NEURL1: variants seen among roughly 807,000 people sequenced by gnomAD.
NEURL1 encodes the protein E3 ubiquitin-protein ligase NEURL1.
A neutral mutation model predicts 41.2 loss-of-function variants in NEURL1; 26 were observed. The observed-to-expected ratio is 0.63, with a 90% CI of 0.46 to 0.87. The LOEUF (loss-of-function observed/expected upper bound fraction) is 0.87. Among genes scored for constraint, NEURL1 ranks in the 40% least tolerant of loss-of-function variants. The pLI, the probability that NEURL1 is intolerant of heterozygous loss-of-function variation, is 0.00. For synonymous variants in NEURL1, 400 were observed against 402.3 expected (o/e 0.99, Z 0.07); for missense variants, 761 against 871.1 (o/e 0.87, Z 1.59).
intron 1 of NEURL1, among the ~76,000 whole-genome samples, chr10:103,560,204 C>G (rs1457968945): frequency 7.1e-6 from 1 of 140,118 alleles, no homozygotes; most frequent in African/African-American, 3.0e-5. Context: ...ATATGGGGAG[C>G]TAGGGGTGCT....
At chr10:103,561,736 G>T (rs528366216) in intron 1 of NEURL1, among the ~76,000 whole-genome samples, 82 of 152,342 alleles carry the variant, frequency 5.4e-4, no homozygotes, top group African/African-American at 1.8e-3. Flanking sequence ...GTGTGATCAG[G>T]TTGTGTATGA....
intron 1 of NEURL1, among the ~76,000 whole-genome samples, chr10:103,560,931 A>G (rs1347813213): frequency 6.6e-6 from 1 of 152,254 alleles, no homozygotes; most frequent in Non-Finnish European, 1.5e-5. Flanking sequence ...GCAGCTTAAA[A>G]CAACAAACAT....
At chr10:103,585,362 T>A (rs1403746641) in intron 4 of NEURL1, 137 bp downstream of exon 4, 5 of 808,732 alleles carry the variant, frequency 6.2e-6, no homozygotes, top group Non-Finnish European at 9.2e-6. Context: ...CTAAGGTGAG[T>A]TCTGGGCGGG....
chr10:103,517,382 C>T (rs1205733842), intron 1 of NEURL1: 1 of 152,182 alleles, frequency 6.6e-6, no homozygotes, highest in Non-Finnish European at 1.5e-5. Flanking sequence ...CAAGAAATAC[C>T]TACTGTTTAA....
At chr10:103,522,433 C>T (rs952044602) in intron 1 of NEURL1, among the ~76,000 whole-genome samples, 7 of 148,648 alleles carry the variant, frequency 4.7e-5, no homozygotes, top group African/African-American at 1.0e-4. Flanking sequence ...CGTGAAGAAA[C>T]CCCATCTCTA....
intron 1 of NEURL1, chr10:103,515,296 A>G (rs1399172533): frequency 6.6e-6 from 1 of 150,834 alleles, no homozygotes; most frequent in Non-Finnish European, 1.5e-5. Flanking sequence ...TTCCAGAGGA[A>G]GTTCCCCACT....
chr10:103,587,545 T>G (rs1401653440), intron 4 of NEURL1, among the ~76,000 whole-genome samples: 1 of 152,252 alleles, frequency 6.6e-6, no homozygotes, highest in African/African-American at 2.4e-5. Flanking sequence ...CCAGTGGCAA[T>G]GTATGAAGGG....
chr10:103,525,835 A>C (rs369134191), intron 1 of NEURL1, among the ~76,000 whole-genome samples: 2 of 152,152 alleles, frequency 1.3e-5, no homozygotes, highest in Admixed American at 6.5e-5. Context: ...GATCTTGGAG[A>C]AAAAGCTTTC....
In NEURL1 at chr10:103,570,920, A is replaced by G; in HGVS notation, c.134A>G (p.Lys45Arg). 1 of 1,613,822 alleles carries G rather than the reference A, an allele frequency of 6.2e-7. No homozygotes were observed. Among genetic ancestry groups the G allele is most frequent in the Non-Finnish European group, 8.5e-7 (1 of 1,179,972 alleles). The change falls in exon 2 of 6, where the codon AAG becomes AGG. Residue 45 changes from lysine to arginine, a missense_variant. Lys to Arg is a conservative substitution (Grantham distance 26). This residue lies in a region of NEURL1 where 94 missense variants were observed against 96.6 expected (regional missense o/e 0.97). Coordinates refer to ENST00000369780, the MANE Select transcript of NEURL1 (RefSeq NM_004210.5). ...FPVTSHRCHH[K>R]QKHCPAVLPS... ...GTCACTTCTCACCGATGCCACCACA[A>G]GCAGAAGCACTGTCCGGCAGTGCTG... is the stretch of plus-strand genomic sequence containing the variant.
chr10:103,520,265 G>A (rs912877327), intron 1 of NEURL1, among the ~76,000 whole-genome samples: 1 of 152,188 alleles, frequency 6.6e-6, no homozygotes, highest in Admixed American at 6.5e-5. Flanking sequence ...CAATAAAGCT[G>A]TATATTTCAC....
Position 103,558,074 on chromosome 10 carries a change from T to C in NEURL1, c.86-12798T>C. On this transcript the variant is annotated intron_variant, in intron 1 of 5. Transcript: ENST00000369780. The surrounding 1 kb of genome is among the most constrained non-coding windows in gnomAD (Gnocchi z 4.2). ...TTTGTATTTTTAGTAGAGACGGGGTTTCACCATGTTGGTCAGGCTGGTCTT... is the reference window on the plus strand; with the variant it reads ...TTTGTATTTTTAGTAGAGACGGGGTCTCACCATGTTGGTCAGGCTGGTCTT... The C allele has an allele frequency of 2.2e-6, 1 of 448,320 alleles. No individual in the cohort carries two copies. The highest frequency in any genetic ancestry group is 2.9e-6 in the Non-Finnish European group (1 of 339,244). 27.8% of individuals were successfully genotyped at this position (448,320 alleles called of 1,614,324 possible).
intron 1 of NEURL1, among the ~76,000 whole-genome samples, chr10:103,521,317 G>A (rs535707715): frequency 2.5e-4 from 38 of 152,266 alleles, no homozygotes; most frequent in African/African-American, 6.5e-4. Flanking sequence ...AGAAATGACC[G>A]CAGTGGCCTT....
At chr10:103,497,578 C>A (rs1239861292) in intron 1 of NEURL1, among the ~76,000 whole-genome samples, 3 of 152,164 alleles carry the variant, frequency 2.0e-5, no homozygotes, top group African/African-American at 7.2e-5. Context: ...GGACATGGGA[C>A]CCCACCATCG....
rs898691729 is a variant in NEURL1 at position 103,563,565 on chromosome 10, G to T, written c.86-7307G>T. The stretch of plus-strand genomic sequence containing the variant: ...ATGATCTTGGATGCAGTGGGCTTCA[G>T]CTGGGCCTTGAAAGATGGGTGGGGT... On this transcript the variant is annotated intron_variant, in intron 1 of 5. Transcript: ENST00000369780. 6.6e-5 allele frequency among the ~76,000 whole-genome samples: 10 copies of T among 152,310 alleles called. No homozygotes were observed. In the South Asian group the frequency reaches 1.7e-3, roughly 25 times the overall value.
At chr10:103,561,411 G>A (rs1196974166) in intron 1 of NEURL1, among the ~76,000 whole-genome samples, 4 of 152,024 alleles carry the variant, frequency 2.6e-5, no homozygotes, top group Non-Finnish European at 5.9e-5. Flanking sequence ...ACAGGTGCCC[G>A]CCACCATACC....
intron 1 of NEURL1, among the ~76,000 whole-genome samples, chr10:103,532,109 A>ATATAGT (rs1374187340): frequency 6.6e-6 from 1 of 152,198 alleles, no homozygotes; most frequent in Non-Finnish European, 1.5e-5. Flanking sequence ...TGTAGGTAGC[A>ATATAGT]TATAGTTAGG....
At chr10:103,555,399 G>A in intron 1 of NEURL1, 1 of 1,359,938 alleles carries the variant, frequency 7.4e-7, no homozygotes, top group Non-Finnish European at 9.8e-7. Context: ...CAGATCACCC[G>A]GAGCACTCTC....
intron 1 of NEURL1, chr10:103,555,281 G>T: frequency 1.7e-6 from 2 of 1,160,564 alleles, no homozygotes; most frequent in Middle Eastern, 3.6e-4. Flanking sequence ...CCGCCCGCGG[G>T]GGAGGAGACG....
rs917625666 is a variant in NEURL1, at chr10:103,558,867, C to A, written c.86-12005C>A. 6.6e-6 allele frequency among the ~76,000 whole-genome samples: 1 copy of A among 152,146 alleles called. No individual in the cohort carries two copies. Among genetic ancestry groups the A allele is most frequent in the South Asian group, 2.1e-4 (1 of 4,830 alleles). Reference sequence around the variant, plus strand: ...GGGCAAGGAAGGGACCCCTTGCTGACGGCTGATGTGTGGGTGACACACGCA... The same window carrying A: ...GGGCAAGGAAGGGACCCCTTGCTGAAGGCTGATGTGTGGGTGACACACGCA... On this transcript the variant is annotated intron_variant, in intron 1 of 5. Transcript: ENST00000369780. This position sits in a 1 kb window ranked among gnomAD's most constrained non-coding sequence, Gnocchi z 4.2.
Sources: gnomAD v4.1 joint callset for allele counts (sites outside exome capture counted in the v4.1 genomes callset) on GRCh38, gnomAD v4.1.1 for gene constraint, gnomAD v4.1.1 regional missense constraint, Gnocchi (gnomAD v3.1) non-coding constraint, MANE v1.5 for transcripts, NCBI Gene and HGNC (gene_info 2026-07-23, HGNC 2026-07-21) for gene names.